PAPPA2: variants seen among roughly 807,000 people sequenced by gnomAD.
The protein encoded by PAPPA2 is pappalysin 2.
PAPPA2 carries 86 observed loss-of-function variants against 176.4 expected under a neutral mutation model. That is an observed-to-expected ratio of 0.49 (90% CI 0.41 to 0.58). The LOEUF (loss-of-function observed/expected upper bound fraction) is 0.58. PAPPA2 is among the 20% of genes least tolerant of loss of function. PAPPA2 has a pLI of 0.00. For synonymous variants in PAPPA2, 809 were observed against 852.2 expected (o/e 0.95, Z 0.88); for missense variants, 2,073 against 2,256.9 (o/e 0.92, Z 1.65).
At chr1:176,646,785 T>C (rs1351084717) in intron 3 of PAPPA2, among the ~76,000 whole-genome samples, 2 of 151,478 alleles carry the variant, frequency 1.3e-5, no homozygotes, top group African/African-American at 4.8e-5. Flanking sequence ...CATCTACGTA[T>C]CACATTTTCT....
chr1:176,669,101 T>G (rs897552354), intron 3 of PAPPA2, among the ~76,000 whole-genome samples: 3 of 152,020 alleles, frequency 2.0e-5, no homozygotes, highest in African/African-American at 7.2e-5. Flanking sequence ...AAGTAAGCCA[T>G]GTCAGGAGCA....
chr1:176,643,213 A>G (rs775105597), intron 3 of PAPPA2, among the ~76,000 whole-genome samples: 18 of 151,920 alleles, frequency 1.2e-4, no homozygotes, highest in Non-Finnish European at 2.1e-4. Flanking sequence ...GGGGTTAAAT[A>G]ATGTGTCCAG....
At chr1:176,624,631 A>G (rs543250170) in intron 3 of PAPPA2, among the ~76,000 whole-genome samples, 1 of 152,202 alleles carries the variant, frequency 6.6e-6, no homozygotes, top group South Asian at 2.1e-4. Flanking sequence ...TTTTTTGAAG[A>G]AGTCATTCCT....
intron 1 of PAPPA2, among the ~76,000 whole-genome samples, chr1:176,511,457 G>A (rs2102523832): frequency 6.6e-6 from 1 of 152,294 alleles, no homozygotes; most frequent in South Asian, 2.1e-4. Context: ...ATTTAGGACT[G>A]TGAACAAGTC....
At chr1:176,663,938 A>G (rs1384526426) in intron 3 of PAPPA2, among the ~76,000 whole-genome samples, 1 of 152,128 alleles carries the variant, frequency 6.6e-6, no homozygotes, top group Non-Finnish European at 1.5e-5. Context: ...AAATTTTGCT[A>G]TGTGGGTCTC....
intron 17 of PAPPA2, among the ~76,000 whole-genome samples, chr1:176,778,727 A>G (rs2102922224): frequency 6.6e-6 from 1 of 152,350 alleles, no homozygotes; most frequent in East Asian, 1.9e-4. Flanking sequence ...GCTCAAGGAA[A>G]GAACACACAT....
intron 1 of PAPPA2, among the ~76,000 whole-genome samples, chr1:176,514,200 A>G (rs1210454099): frequency 6.6e-6 from 1 of 152,218 alleles, no homozygotes; most frequent in Non-Finnish European, 1.5e-5. Flanking sequence ...CAGGATGCTT[A>G]CAATCATGGT....
At chr1:176,544,350 T>C (rs1378797046) in intron 1 of PAPPA2, among the ~76,000 whole-genome samples, 1 of 152,294 alleles carries the variant, frequency 6.6e-6, no homozygotes. Flanking sequence ...TACAGAAATG[T>C]AGGAGTTGTT....
intron 3 of PAPPA2, among the ~76,000 whole-genome samples, chr1:176,669,463 G>A (rs1057015880): frequency 6.6e-6 from 1 of 152,096 alleles, no homozygotes; most frequent in Non-Finnish European, 1.5e-5. Flanking sequence ...AAAATAAGGA[G>A]AATGTGACTA....
chr1:176,760,259 A>G (rs182211151), intron 14 of PAPPA2, among the ~76,000 whole-genome samples: 2 of 152,108 alleles, frequency 1.3e-5, no homozygotes, highest in African/African-American at 4.8e-5. Flanking sequence ...AGAAAAGGGG[A>G]TATGTTTTAT....
chr1:176,760,527 G>A (rs918395681), intron 14 of PAPPA2, among the ~76,000 whole-genome samples: 1 of 152,188 alleles, frequency 6.6e-6, no homozygotes, highest in Non-Finnish European at 1.5e-5. Context: ...ATTTTCAGGG[G>A]ATAAAGCAGG....
chr1:176,536,900 A>T (rs1260859977), intron 1 of PAPPA2, among the ~76,000 whole-genome samples: 2 of 152,188 alleles, frequency 1.3e-5, no homozygotes, highest in Non-Finnish European at 1.5e-5. Context: ...AGCTCTTGTC[A>T]CATATTATCT....
At chr1:176,610,277 C>A (rs1654838197) in intron 3 of PAPPA2, among the ~76,000 whole-genome samples, 1 of 151,012 alleles carries the variant, frequency 6.6e-6, no homozygotes, top group South Asian at 2.1e-4. Context: ...ATCTATGTCT[C>A]CTAGTTGTGG....
intron 3 of PAPPA2, among the ~76,000 whole-genome samples, chr1:176,613,754 G>C (rs207460677): frequency 6.6e-6 from 1 of 152,066 alleles, no homozygotes; most frequent in Non-Finnish European, 1.5e-5. Flanking sequence ...GAAAAATAAG[G>C]AACATGATCA....
At chr1:176,590,251 C>A (rs190951837) in intron 2 of PAPPA2, among the ~76,000 whole-genome samples, 6 of 152,276 alleles carry the variant, frequency 3.9e-5, no homozygotes, top group South Asian at 2.1e-4. Context: ...CCTTTTTAGT[C>A]TTTACAGTAA....
At chr1:176,512,242 A>G (rs1648649580) in intron 1 of PAPPA2, among the ~76,000 whole-genome samples, 2 of 130,384 alleles carry the variant, frequency 1.5e-5, no homozygotes, top group South Asian at 4.8e-4. Context: ...AAAAAAAAAA[A>G]GACCACATTA....
At chr1:176,642,303 T>C (rs1657144535) in intron 3 of PAPPA2, among the ~76,000 whole-genome samples, 1 of 151,910 alleles carries the variant, frequency 6.6e-6, no homozygotes, top group Non-Finnish European at 1.5e-5. Flanking sequence ...TTTGCTATAA[T>C]TGCATATAAT....
intron 3 of PAPPA2, among the ~76,000 whole-genome samples, chr1:176,635,259 C>T (rs1426746382): frequency 6.6e-6 from 1 of 152,096 alleles, no homozygotes; most frequent in Non-Finnish European, 1.5e-5. Context: ...CAAATGTTTT[C>T]AGATACAATA....
chr1:176,556,763 T>A lies in PAPPA2; in HGVS notation c.441T>A (p.Tyr147Ter). ...QSELLGDDDA[Y>*]LGNQRSKESL... ...AGCTGCTGGGAGATGATGACGCTTA[T>A]CTCGGCAATCAAAGATCCAAGGAGT... The change falls in exon 2 of 23, where the codon TAT becomes TAA. Residue 147 changes from tyrosine to a stop codon, truncating the protein, a stop_gained. Coordinates refer to ENST00000367662, the MANE Select transcript of PAPPA2 (RefSeq NM_020318.3). LOFTEE classifies it high-confidence loss of function. 6.2e-7 allele frequency: 1 copy of A among 1,614,028 alleles called. No homozygotes were observed. Among genetic ancestry groups the A allele is most frequent in the Non-Finnish European group, 8.5e-7 (1 of 1,179,984 alleles).
Sources: gnomAD v4.1 joint callset for allele counts (sites outside exome capture counted in the v4.1 genomes callset) on GRCh38, gnomAD v4.1.1 for gene constraint, MANE v1.5 for transcripts, NCBI Gene and HGNC (gene_info 2026-07-23, HGNC 2026-07-21) for gene names.